BARD1: variants seen among roughly 807,000 people sequenced by gnomAD.
BARD1 encodes BRCA1 associated RING domain 1.
A neutral mutation model predicts 77.0 loss-of-function variants in BARD1; 73 were observed. That is an observed-to-expected ratio of 0.95 (90% CI 0.79 to 1.15). BARD1 has a LOEUF of 1.15. Ranked by LOEUF, BARD1 falls within the 50% of genes most tolerant of loss-of-function variation. The probability of loss-of-function intolerance (pLI) is 0.00; values close to 1 mark genes in which losing one functional copy is unlikely to be tolerated. For synonymous variants in BARD1, 384 were observed against 338.0 expected (o/e 1.14, Z -1.49); for missense variants, 993 against 938.8 (o/e 1.06, Z -0.75).
intron 3 of BARD1, among the ~76,000 whole-genome samples, chr2:214,786,232 A>G (rs998649210): frequency 2.0e-5 from 3 of 151,050 alleles, no homozygotes; most frequent in Non-Finnish European, 2.9e-5. Context: ...TTAATACTTA[A>G]GAGATACAAC....
chr2:214,736,326 G>A (rs1293593995), intron 9 of BARD1, among the ~76,000 whole-genome samples: 1 of 152,060 alleles, frequency 6.6e-6, no homozygotes, highest in Non-Finnish European at 1.5e-5. Context: ...GGAATCCAGT[G>A]AAATGGTTAA....
chr2:214,784,538 A>C (rs1695183432), intron 3 of BARD1, among the ~76,000 whole-genome samples: 1 of 152,196 alleles, frequency 6.6e-6, no homozygotes, highest in African/African-American at 2.4e-5. Flanking sequence ...TATATACCCA[A>C]AGGATTATAA....
chr2:214,797,698 CTACTG>C (rs760675371), intron 1 of BARD1, among the ~76,000 whole-genome samples: 37 of 152,250 alleles, frequency 2.4e-4, no homozygotes, highest in African/African-American at 7.5e-4. Flanking sequence ...GTGTTTCTTA[CTACTG>C]TAAAGTAGCC....
At position 214,809,494 on chromosome 2, in the gene BARD1, T is replaced by C. The variant is rs587781570; in HGVS notation, c.76A>G (p.Met26Val). 1.0e-5 allele frequency: 16 copies of C among 1,607,466 alleles called. No individual in the cohort carries two copies. The highest frequency in any genetic ancestry group is 3.3e-4 in the Middle Eastern group (2 of 6,052). ...SGNEPRSAPA[M>V]EPDGRGAWAH... ...CAGGCACCGCGACCATCCGGTTCCA[T>C]GGCGGGCGCGGAACGAGGCTCGTTC... Residue 26 changes from methionine (M) to valine (V), a missense_variant, in exon 1 of 11, where the codon ATG becomes GTG. Transcript: ENST00000260947.
intron 3 of BARD1, among the ~76,000 whole-genome samples, chr2:214,782,667 C>G (rs1222832496): frequency 6.6e-6 from 1 of 152,006 alleles, no homozygotes; most frequent in East Asian, 1.9e-4. Flanking sequence ...TTACACTCAC[C>G]TGCTACTTTA....
rs1574870576 is a variant in BARD1, at chr2:214,809,625, G to GC, written c.-57_-56insG. The stretch of plus-strand genomic sequence containing the variant: ...AGAGCGGGAAGCAAGGAAGCCTCGG[G>GC]AAACCACAGGGAAGCTGCAGGCCAG... On this transcript the variant is annotated 5_prime_UTR_variant, in exon 1 of 11. Coordinates refer to ENST00000260947, the MANE Select transcript of BARD1 (RefSeq NM_000465.4). 2.0e-6 allele frequency: 3 copies of GC among 1,520,156 alleles called. No individual in the cohort carries two copies. Among genetic ancestry groups the GC allele is most frequent in the Non-Finnish European group, 2.6e-6 (3 of 1,134,916 alleles). 94.2% of individuals were successfully genotyped at this position (1,520,156 alleles called of 1,614,324 possible).
intron 6 of BARD1, among the ~76,000 whole-genome samples, chr2:214,759,686 A>G (rs1317342324): frequency 6.6e-6 from 1 of 152,180 alleles, no homozygotes; most frequent in Non-Finnish European, 1.5e-5. Flanking sequence ...TCCACTGTAC[A>G]TTCGAATCCT....
At chr2:214,766,720 A>G (rs992775497) in intron 6 of BARD1, among the ~76,000 whole-genome samples, 1 of 152,180 alleles carries the variant, frequency 6.6e-6, no homozygotes, top group South Asian at 2.1e-4. Flanking sequence ...AATCATCTCC[A>G]GATTACTTGT....
chr2:214,801,258 G>C (rs1212528660), intron 1 of BARD1, among the ~76,000 whole-genome samples: 1 of 152,136 alleles, frequency 6.6e-6, no homozygotes. Context: ...TTCCAATAAG[G>C]AAATGGTTAA....
In BARD1 at chr2:214,729,208, GC is replaced by G. The variant is rs777178471; in HGVS notation, c.2002-201del. Among the ~76,000 whole-genome samples the G allele has an allele frequency of 1.9e-3, 287 of 152,306 alleles. 1 individual carries two copies. Among genetic ancestry groups the G allele is most frequent in the Admixed American group, 5.4e-3 (83 of 15,304 alleles). On this transcript the variant is annotated intron_variant, in intron 10 of 10. Transcript: ENST00000260947. ...GAGGTATCTTAAGGATGAGGCTCAA[GC>G]CTAAACACAAAATTCGTTTGTTTCT... is the stretch of plus-strand genomic sequence containing the variant.
intron 6 of BARD1, among the ~76,000 whole-genome samples, chr2:214,759,598 CAT>C (rs1369647657): frequency 1.3e-5 from 2 of 151,784 alleles, no homozygotes; most frequent in Admixed American, 1.3e-4. Context: ...AAATGCAAGA[CAT>C]ATAAAAACAG....
At chr2:214,785,715 G>GAA (rs200122586) in intron 3 of BARD1, among the ~76,000 whole-genome samples, 3 of 146,914 alleles carry the variant, frequency 2.0e-5, no homozygotes, top group African/African-American at 5.0e-5. Context: ...TTCAGGCCCA[G>GAA]AAAAAAAAAG....
At chr2:214,803,021 A>AC (rs1332951118) in intron 1 of BARD1, among the ~76,000 whole-genome samples, 1 of 151,752 alleles carries the variant, frequency 6.6e-6, no homozygotes, top group African/African-American at 2.4e-5. Context: ...CTATGACCCT[A>AC]CCCCCAACCC....
At chr2:214,807,759 A>C (rs1574864960) in intron 1 of BARD1, among the ~76,000 whole-genome samples, 1 of 152,092 alleles carries the variant, frequency 6.6e-6, no homozygotes, top group East Asian at 1.9e-4. Context: ...AACTTGGCCT[A>C]CTCAATAGTG....
chr2:214,795,710 A>T (rs1354086908), intron 2 of BARD1, among the ~76,000 whole-genome samples: 1 of 152,206 alleles, frequency 6.6e-6, no homozygotes, highest in Non-Finnish European at 1.5e-5. Context: ...TTTGAGGCAG[A>T]ACTGACAGAA....
At chr2:214,767,728 T>C (rs1694283569) in intron 5 of BARD1, 74 bp from the exon 6 acceptor site, 14 of 1,343,450 alleles carry the variant, frequency 1.0e-5, no homozygotes, top group South Asian at 4.9e-5. Context: ...AATATCACAC[T>C]TTAGAAAAAT....
intron 1 of BARD1, among the ~76,000 whole-genome samples, chr2:214,799,308 TTAAAA>T (rs1336060275): frequency 3.9e-5 from 6 of 151,962 alleles, no homozygotes; most frequent in East Asian, 1.9e-4. Flanking sequence ...CTCAAAAATA[TTAAAA>T]TAAAATAAAA....
chr2:214,747,858 A>C (rs1262514025), intron 7 of BARD1, among the ~76,000 whole-genome samples: 1 of 151,528 alleles, frequency 6.6e-6, no homozygotes, highest in African/African-American at 2.4e-5. Flanking sequence ...AAGTATAATA[A>C]TAATAAAATA....
chr2:214,783,690 G>T (rs989152923), intron 3 of BARD1, among the ~76,000 whole-genome samples: 1 of 152,038 alleles, frequency 6.6e-6, no homozygotes, highest in Non-Finnish European at 1.5e-5. Flanking sequence ...CAATGGAACA[G>T]AACAAAGCCC....
Sources: gnomAD v4.1 joint callset for allele counts (sites outside exome capture counted in the v4.1 genomes callset) on GRCh38, gnomAD v4.1.1 for gene constraint, MANE v1.5 for transcripts, NCBI Gene and HGNC (gene_info 2026-07-23, HGNC 2026-07-21) for gene names.